PPARGC1A: variants seen among roughly 807,000 people sequenced by gnomAD.
The protein encoded by PPARGC1A is peroxisome proliferator-activated receptor gamma coactivator 1-alpha.
PPARGC1A carries 25 observed loss-of-function variants against 88.7 expected under a neutral mutation model. That is an observed-to-expected ratio of 0.28 (90% CI 0.21 to 0.39). The LOEUF (loss-of-function observed/expected upper bound fraction) is 0.39. Ranked by LOEUF, PPARGC1A falls within the 10% of genes least tolerant of loss-of-function variation. The pLI is 1.00. For synonymous variants in PPARGC1A, 363 were observed against 355.6 expected (o/e 1.02, Z -0.24); for missense variants, 880 against 968.7 (o/e 0.91, Z 1.22).
the PPARGC1A span, among the ~76,000 whole-genome samples, chr4:23,922,642 T>G: frequency 6.6e-6 from 1 of 152,228 alleles, no homozygotes; most frequent in African/African-American, 2.4e-5. Flanking sequence ...CTTAGCTTTC[T>G]GTGTGTTTGT....
At chr4:23,944,683 C>T in the PPARGC1A span, among the ~76,000 whole-genome samples, 1 of 152,142 alleles carries the variant, frequency 6.6e-6, no homozygotes, top group African/African-American at 2.4e-5. Context: ...CAGCTTCCCC[C>T]ATCCTGTTCT....
the PPARGC1A span, among the ~76,000 whole-genome samples, chr4:24,247,357 A>AT: frequency 2.0e-5 from 3 of 151,892 alleles, no homozygotes; most frequent in Non-Finnish European, 2.9e-5. Context: ...TCAGCCACAA[A>AT]TTTTTTTTCA....
intron 10 of PPARGC1A, among the ~76,000 whole-genome samples, chr4:23,802,955 A>G (rs890959253): frequency 2.4e-4 from 36 of 152,292 alleles, no homozygotes; most frequent in Admixed American, 7.8e-4. Flanking sequence ...AGAAATCTGT[A>G]TAGTGCATTC....
the PPARGC1A span, among the ~76,000 whole-genome samples, chr4:24,149,639 C>G: frequency 6.6e-6 from 1 of 152,142 alleles, no homozygotes; most frequent in African/African-American, 2.4e-5. Flanking sequence ...CAGACAAACT[C>G]TCTTCTAATG....
At chr4:23,823,883 G>T (rs1379513200) in intron 7 of PPARGC1A, among the ~76,000 whole-genome samples, 1 of 152,070 alleles carries the variant, frequency 6.6e-6, no homozygotes, top group Non-Finnish European at 1.5e-5. Flanking sequence ...CCATAGTTCT[G>T]GTTCAAAGCA....
At chr4:24,064,205 G>GA in the PPARGC1A span, among the ~76,000 whole-genome samples, 5 of 151,210 alleles carry the variant, frequency 3.3e-5, no homozygotes, top group South Asian at 2.2e-4. Flanking sequence ...AATTCAATAA[G>GA]AAAAAAAACA....
At chr4:24,344,243 C>A in the PPARGC1A span, among the ~76,000 whole-genome samples, 7 of 152,046 alleles carry the variant, frequency 4.6e-5, no homozygotes, top group Admixed American at 1.3e-4. Flanking sequence ...ATAATGACTT[C>A]TTTTCCTCTG....
chr4:24,150,379 G>T, the PPARGC1A span, among the ~76,000 whole-genome samples: 2 of 152,268 alleles, frequency 1.3e-5, no homozygotes, highest in African/African-American at 4.8e-5. Context: ...GTATTTTGGT[G>T]GCTTTGAAGC....
rs527643200 is a variant in PPARGC1A, at chr4:23,802,351, G to T, written c.2020-6C>A. On this transcript the variant is annotated splice_region_variant and splice_polypyrimidine_tract_variant and intron_variant, in intron 10 of 12. Transcript: ENST00000264867. ...TAAATCACACGGCGCTCTTCCTATGGGGGGAAGGAAGGAGAGAGTTCTGGA... is the reference window on the plus strand; with the variant it reads ...TAAATCACACGGCGCTCTTCCTATGTGGGGAAGGAAGGAGAGAGTTCTGGA... 2 of 1,613,932 alleles carry T rather than the reference G, an allele frequency of 1.2e-6. No individual in the cohort carries two copies. Among genetic ancestry groups the T allele is most frequent in the African/African-American group, 1.3e-5 (1 of 75,022 alleles).
chr4:23,988,567 C>T, the PPARGC1A span, among the ~76,000 whole-genome samples: 1 of 152,002 alleles, frequency 6.6e-6, no homozygotes, highest in Non-Finnish European at 1.5e-5. Flanking sequence ...TTGAAAAATA[C>T]ACTTGTTAAA....
chr4:23,995,931 T>C, the PPARGC1A span, among the ~76,000 whole-genome samples: 1 of 152,152 alleles, frequency 6.6e-6, no homozygotes, highest in Non-Finnish European at 1.5e-5. Context: ...GAAGAAAAAG[T>C]AAATTCTCAC....
chr4:24,125,588 T>A, the PPARGC1A span, among the ~76,000 whole-genome samples: 1 of 152,204 alleles, frequency 6.6e-6, no homozygotes, highest in African/African-American at 2.4e-5. Flanking sequence ...TTCTTTCTCC[T>A]TCCCTACTTC....
the PPARGC1A span, among the ~76,000 whole-genome samples, chr4:24,129,056 AAAG>A: frequency 2.0e-5 from 3 of 152,266 alleles, no homozygotes; most frequent in Non-Finnish European, 4.4e-5. Flanking sequence ...GCAAAAAATT[AAAG>A]ATGACTCCAT....
chr4:24,146,804 C>T, the PPARGC1A span, among the ~76,000 whole-genome samples: 1 of 152,216 alleles, frequency 6.6e-6, no homozygotes, highest in African/African-American at 2.4e-5. Flanking sequence ...GAAGTCTTCC[C>T]TGACCACCTT....
chr4:24,337,576 C>T, the PPARGC1A span, among the ~76,000 whole-genome samples: 1 of 151,920 alleles, frequency 6.6e-6, no homozygotes, highest in Non-Finnish European at 1.5e-5. Context: ...TGATGTCTGA[C>T]CAGTCCCTAG....
chr4:24,147,270 G>A, the PPARGC1A span, among the ~76,000 whole-genome samples: 2 of 152,202 alleles, frequency 1.3e-5, no homozygotes, highest in African/African-American at 4.8e-5. Context: ...ACTCATGCTC[G>A]AACCGGAAGG....
At chr4:24,164,754 A>G in the PPARGC1A span, among the ~76,000 whole-genome samples, 1 of 152,192 alleles carries the variant, frequency 6.6e-6, no homozygotes, top group Non-Finnish European at 1.5e-5. Context: ...GAAAAGTATG[A>G]CTGAGTCTTT....
chr4:23,979,885 C>T, the PPARGC1A span, among the ~76,000 whole-genome samples: 6 of 152,124 alleles, frequency 3.9e-5, no homozygotes, highest in Non-Finnish European at 7.4e-5. Context: ...CTCTGCTCAA[C>T]GCACCTGATC....
the PPARGC1A span, among the ~76,000 whole-genome samples, chr4:24,075,662 C>G: frequency 6.6e-6 from 1 of 151,998 alleles, no homozygotes; most frequent in East Asian, 1.9e-4. Context: ...GATAGTAAGT[C>G]TCATGAGATC....
Sources: gnomAD v4.1 joint callset for allele counts (sites outside exome capture counted in the v4.1 genomes callset) on GRCh38, gnomAD v4.1.1 for gene constraint, MANE v1.5 for transcripts, NCBI Gene and HGNC (gene_info 2026-07-23, HGNC 2026-07-21) for gene names.